KLHL1: variants seen among roughly 807,000 people sequenced by gnomAD.
The protein encoded by KLHL1 is kelch like family member 1.
Under a neutral mutation model 77.7 loss-of-function variants are expected in KLHL1, and 47 were observed. That is an observed-to-expected ratio of 0.60 (90% CI 0.48 to 0.77). The LOEUF is 0.77. KLHL1 is among the 30% of genes least tolerant of loss of function. The pLI, the probability that KLHL1 is intolerant of heterozygous loss-of-function variation, is 0.00. For synonymous variants in KLHL1, 360 were observed against 325.2 expected, an observed-to-expected ratio of 1.11 and a Z score of -1.15; for missense variants, 925 against 910.8, an observed-to-expected ratio of 1.02 and a Z score of -0.20.
intron 6 of KLHL1, among the ~76,000 whole-genome samples, chr13:69,799,093 GAA>G (rs67444969): frequency 2.5e-4 from 35 of 137,758 alleles, no homozygotes; most frequent in South Asian, 4.6e-4. Context: ...GTTGCATAAA[GAA>G]AAAAAAAAAA....
intron 4 of KLHL1, among the ~76,000 whole-genome samples, chr13:69,925,967 A>G (rs187678257): frequency 3.6e-4 from 55 of 152,358 alleles, no homozygotes; most frequent in African/African-American, 1.3e-3. Context: ...CAGCATATCA[A>G]CAATAATCAA....
At chr13:69,899,658 C>T (rs376182795) in intron 4 of KLHL1, among the ~76,000 whole-genome samples, 2 of 152,214 alleles carry the variant, frequency 1.3e-5, no homozygotes, top group South Asian at 2.1e-4. Context: ...GGAACATACA[C>T]GGCTTTCTAG....
At chr13:70,001,558 G>A (rs990400548) in intron 1 of KLHL1, among the ~76,000 whole-genome samples, 1 of 147,696 alleles carries the variant, frequency 6.8e-6, no homozygotes, top group African/African-American at 2.5e-5. Flanking sequence ...TTAAACATTG[G>A]GATATCTATC....
chr13:69,781,504 A>ACTCAAAAGCCTCATATCCAT (rs1443081295), intron 7 of KLHL1, among the ~76,000 whole-genome samples: 4 of 152,004 alleles, frequency 2.6e-5, no homozygotes, highest in African/African-American at 4.8e-5. Flanking sequence ...TAGGATTGAT[A>ACTCAAAAGCCTCATATCCAT]CTCAAAAGCC....
chr13:69,799,894 A>G (rs893427693), intron 6 of KLHL1, among the ~76,000 whole-genome samples: 1 of 152,204 alleles, frequency 6.6e-6, no homozygotes, highest in East Asian at 1.9e-4. Context: ...CTGTCAGACC[A>G]GCCGTGGCAT....
intron 1 of KLHL1, among the ~76,000 whole-genome samples, chr13:70,073,528 G>A (rs1322282631): frequency 3.4e-5 from 5 of 149,196 alleles, no homozygotes; most frequent in African/African-American, 1.2e-4. Flanking sequence ...TGCACGTTGT[G>A]CACATGTACC....
chr13:69,728,476 G>T (rs763587029), intron 8 of KLHL1, among the ~76,000 whole-genome samples: 1 of 151,618 alleles, frequency 6.6e-6, no homozygotes, highest in Admixed American at 6.6e-5. Context: ...GTGCAGTGGC[G>T]CAATCTCAGC....
intron 4 of KLHL1, among the ~76,000 whole-genome samples, chr13:69,892,038 G>C (rs1003200336): frequency 2.6e-5 from 4 of 151,938 alleles, no homozygotes; most frequent in Admixed American, 2.0e-4. Context: ...TAGAGTAGTA[G>C]TATTTATTTT....
At chr13:69,963,090 C>T (rs1168093808) in intron 2 of KLHL1, among the ~76,000 whole-genome samples, 1 of 151,936 alleles carries the variant, frequency 6.6e-6, no homozygotes, top group Non-Finnish European at 1.5e-5. Context: ...GAGACAGTAT[C>T]TCTTTCTGTT....
chr13:69,951,830 C>T (rs1263792927), intron 3 of KLHL1, among the ~76,000 whole-genome samples: 1 of 151,428 alleles, frequency 6.6e-6, no homozygotes, highest in Non-Finnish European at 1.5e-5. Context: ...CTTCACATCT[C>T]ATAATCCATA....
At chr13:69,937,576 A>T (rs1235714563) in intron 4 of KLHL1, among the ~76,000 whole-genome samples, 2 of 152,168 alleles carry the variant, frequency 1.3e-5, no homozygotes, top group African/African-American at 4.8e-5. Context: ...CAGTGCTGCT[A>T]TTCTGGTGCT....
At chr13:69,781,195 C>T (rs1432927435) in intron 7 of KLHL1, among the ~76,000 whole-genome samples, 1 of 151,560 alleles carries the variant, frequency 6.6e-6, no homozygotes, top group African/African-American at 2.4e-5. Flanking sequence ...GAATGTACAA[C>T]AGTTTTTCCT....
At chr13:70,105,741 T>G (rs1476898987) in intron 1 of KLHL1, among the ~76,000 whole-genome samples, 2 of 151,244 alleles carry the variant, frequency 1.3e-5, no homozygotes, top group African/African-American at 4.8e-5. Flanking sequence ...ATTAAATAAC[T>G]TTTAATAACA....
intron 1 of KLHL1, among the ~76,000 whole-genome samples, chr13:69,978,635 C>A (rs1281122416): frequency 6.6e-6 from 1 of 151,810 alleles, no homozygotes; most frequent in Non-Finnish European, 1.5e-5. Flanking sequence ...TACAGGCATG[C>A]ACCACCATGC....
chr13:69,743,028 AT>A (rs915582103), intron 7 of KLHL1, among the ~76,000 whole-genome samples: 1 of 152,196 alleles, frequency 6.6e-6, no homozygotes, highest in African/African-American at 2.4e-5. Flanking sequence ...AGATCCTGAA[AT>A]CAACTTTTTA....
At chr13:69,738,323 AG>A (rs1873848299) in intron 8 of KLHL1, among the ~76,000 whole-genome samples, 1 of 152,176 alleles carries the variant, frequency 6.6e-6, no homozygotes, top group Non-Finnish European at 1.5e-5. Context: ...AAACTCAAAA[AG>A]CCAGAGTGCT....
intron 3 of KLHL1, among the ~76,000 whole-genome samples, chr13:69,944,978 CTT>C (rs750774784): frequency 0.054 from 4,306 of 79,126 alleles, 82 homozygotes; most frequent in East Asian, 0.17. Flanking sequence ...TATAAAACTT[CTT>C]TTTTTTTTTT....
At chr13:70,097,280 T>C (rs755699617) in intron 1 of KLHL1, among the ~76,000 whole-genome samples, 9 of 152,096 alleles carry the variant, frequency 5.9e-5, no homozygotes, top group East Asian at 1.9e-4. Flanking sequence ...GATTTTAAAA[T>C]AAATAAAACT....
chr13:69,747,777 A>G (rs1874281585), intron 7 of KLHL1, among the ~76,000 whole-genome samples: 1 of 152,020 alleles, frequency 6.6e-6, no homozygotes, highest in African/African-American at 2.4e-5. Flanking sequence ...GAGAAGTCTT[A>G]TATATTGCTG....
Sources: gnomAD v4.1 joint callset for allele counts (sites outside exome capture counted in the v4.1 genomes callset) on GRCh38, gnomAD v4.1.1 for gene constraint, MANE v1.5 for transcripts, NCBI Gene and HGNC (gene_info 2026-07-23, HGNC 2026-07-21) for gene names.